The following PIP5K1B variants were observed in gnomAD, a reference collection of about 807,000 sequenced individuals.
PIP5K1B encodes phosphatidylinositol 4-phosphate 5-kinase type-1 beta.
PIP5K1B carries 42 observed loss-of-function variants against 67.0 expected under a neutral mutation model. That is an observed-to-expected ratio of 0.63 (90% CI 0.49 to 0.81). The LOEUF is 0.81. PIP5K1B is among the 30% of genes least tolerant of loss of function. PIP5K1B has a pLI of 0.00. For missense variants in PIP5K1B, 459 were observed against 646.3 expected, an observed-to-expected ratio of 0.71 and a Z score of 3.14; for synonymous variants, 214 against 231.4, an observed-to-expected ratio of 0.92 and a Z score of 0.68.
rs1043954404 is a variant in PIP5K1B, at chr9:68,897,482, G to A, written c.771+2844G>A. Among the ~76,000 whole-genome samples the A allele has an allele frequency of 3.3e-5, 5 of 152,312 alleles. No homozygotes were observed. In the South Asian group the frequency reaches 6.2e-4, roughly 19 times the overall value. ...AAGCTTTCTCCGGATAGGCAAAGCA[G>A]TAGAAGCATATTTCTAGGATAAGAG... On this transcript the variant is annotated intron_variant, in intron 8 of 15. Coordinates refer to ENST00000265382, the MANE Select transcript of PIP5K1B (RefSeq NM_003558.4).
intron 13 of PIP5K1B, among the ~76,000 whole-genome samples, chr9:68,939,222 G>T (rs552419381): frequency 1.3e-5 from 2 of 152,332 alleles, no homozygotes; most frequent in South Asian, 4.1e-4. Flanking sequence ...GCTCCTCATG[G>T]GTTGAGGGGT....
At chr9:68,944,743 C>G (rs141616061) in intron 14 of PIP5K1B, among the ~76,000 whole-genome samples, 2 of 152,116 alleles carry the variant, frequency 1.3e-5, no homozygotes, top group Non-Finnish European at 2.9e-5. Context: ...TGTCATAAAC[C>G]TAGAACAGGG....
At chr9:68,768,725 T>C (rs142768075) in intron 2 of PIP5K1B, among the ~76,000 whole-genome samples, 1 of 152,356 alleles carries the variant, frequency 6.6e-6, no homozygotes, top group African/African-American at 2.4e-5. Context: ...TTGGGCAATG[T>C]ATGGCATCCT....
At chr9:68,913,034 G>C (rs1825926762) in intron 8 of PIP5K1B, among the ~76,000 whole-genome samples, 1 of 152,220 alleles carries the variant, frequency 6.6e-6, no homozygotes, top group Non-Finnish European at 1.5e-5. Context: ...TCTAGCAGCT[G>C]CTTTGACATT....
chr9:68,953,486 T>C (rs376490781), intron 14 of PIP5K1B, among the ~76,000 whole-genome samples: 1 of 152,156 alleles, frequency 6.6e-6, no homozygotes, highest in African/African-American at 2.4e-5. Context: ...AAATCTTCAT[T>C]TGTCTGCTCA....
chr9:68,767,185 T>TGAGCTTAGTACCAAAAC (rs1320979981), intron 2 of PIP5K1B, among the ~76,000 whole-genome samples: 1 of 152,226 alleles, frequency 6.6e-6, no homozygotes, highest in Non-Finnish European at 1.5e-5. Context: ...GATACCAAAA[T>TGAGCTTAGTACCAAAAC]GATCTTAGTA....
At chr9:68,982,366 G>A (rs1467807817) in intron 14 of PIP5K1B, among the ~76,000 whole-genome samples, 1 of 152,162 alleles carries the variant, frequency 6.6e-6, no homozygotes, top group African/African-American at 2.4e-5. Flanking sequence ...AAAATATCAG[G>A]ACAAAAGCAA....
chr9:68,845,595 G>T (rs1321006348), intron 4 of PIP5K1B, among the ~76,000 whole-genome samples: 1 of 152,202 alleles, frequency 6.6e-6, no homozygotes, highest in Non-Finnish European at 1.5e-5. Flanking sequence ...AGTGAGTTTG[G>T]AGCGTGGGAG....
chr9:68,894,640 T>C lies in PIP5K1B; in HGVS notation c.771+2T>C. The C allele has an allele frequency of 1.2e-6, 2 of 1,612,572 alleles. No homozygotes were observed. Among genetic ancestry groups the C allele is most frequent in the Non-Finnish European group, 1.7e-6 (2 of 1,178,854 alleles). ...AAAACACTTCAGAGAGACTGCCGGG[T>C]AAGGAAGTTTGATTGTTGTGATTTC... On this transcript the variant is annotated splice_donor_variant, in intron 8 of 15. Transcript: ENST00000265382. LOFTEE classifies it high-confidence loss of function.
At chr9:68,752,776 CA>C (rs1829698673) in intron 2 of PIP5K1B, among the ~76,000 whole-genome samples, 1 of 152,062 alleles carries the variant, frequency 6.6e-6, no homozygotes, top group South Asian at 2.1e-4. Context: ...GGTTAATTTA[CA>C]AAAACTCTTT....
intron 15 of PIP5K1B, among the ~76,000 whole-genome samples, chr9:68,994,491 G>T (rs1311544129): frequency 2.6e-5 from 4 of 151,964 alleles, no homozygotes; most frequent in Non-Finnish European, 5.9e-5. Context: ...CTAATGTCTG[G>T]CTTAATGGAA....
At chr9:68,764,122 G>T (rs1177688584) in intron 2 of PIP5K1B, among the ~76,000 whole-genome samples, 1 of 108,002 alleles carries the variant, frequency 9.3e-6, no homozygotes, top group Non-Finnish European at 1.8e-5. Context: ...CTTTGTTTCA[G>T]CATGCTTTCA....
intron 1 of PIP5K1B, among the ~76,000 whole-genome samples, chr9:68,741,886 T>C (rs989003695): frequency 9.9e-5 from 15 of 152,162 alleles, no homozygotes; most frequent in Admixed American, 9.8e-4. Flanking sequence ...GTGGTAGTTG[T>C]TGGGGGTGGG....
At chr9:68,775,184 T>C (rs949144200) in intron 2 of PIP5K1B, among the ~76,000 whole-genome samples, 3 of 152,216 alleles carry the variant, frequency 2.0e-5, no homozygotes, top group Non-Finnish European at 4.4e-5. Flanking sequence ...TAATGCCCTT[T>C]CCATCTTCAC....
intron 14 of PIP5K1B, among the ~76,000 whole-genome samples, chr9:68,951,383 G>T (rs900884718): frequency 1.3e-5 from 2 of 152,164 alleles, no homozygotes; most frequent in African/African-American, 2.4e-5. Flanking sequence ...GAATGGTTCA[G>T]ACTAAGCACT....
chr9:68,755,248 A>T (rs919664985), intron 2 of PIP5K1B, among the ~76,000 whole-genome samples: 4 of 152,190 alleles, frequency 2.6e-5, no homozygotes, highest in African/African-American at 9.7e-5. Context: ...GACTTTGGAG[A>T]CTGCTTTCCC....
At chr9:68,805,852 T>A (rs915119236) in intron 2 of PIP5K1B, among the ~76,000 whole-genome samples, 1 of 152,172 alleles carries the variant, frequency 6.6e-6, no homozygotes, top group African/African-American at 2.4e-5. Context: ...CTGAATGGAT[T>A]GTGAAGATAC....
chr9:68,779,965 T>G, intron 2 of PIP5K1B: 1 of 616,738 alleles, frequency 1.6e-6, no homozygotes, highest in South Asian at 3.8e-5. Flanking sequence ...CCCCTACCAC[T>G]GCCGCGCACA....
Position 68,875,867 on chromosome 9 carries a change from T to A in PIP5K1B, c.201-810T>A, listed in dbSNP as rs985310392. On this transcript the variant is annotated intron_variant, in intron 5 of 15. Coordinates refer to ENST00000265382, the MANE Select transcript of PIP5K1B (RefSeq NM_003558.4). Reference sequence around the variant, plus strand: ...TGAGCTCATGTATTAGGTAATATTGTATGGAGTCAAAGAATAAAAAGGATG... The same window carrying A: ...TGAGCTCATGTATTAGGTAATATTGAATGGAGTCAAAGAATAAAAAGGATG... 8.5e-5 allele frequency among the ~76,000 whole-genome samples: 13 copies of A among 152,288 alleles called. 1 individual carries two copies. The highest frequency in any genetic ancestry group is 2.9e-4 in the African/African-American group (12 of 41,548).
Sources: gnomAD v4.1 joint callset for allele counts (sites outside exome capture counted in the v4.1 genomes callset) on GRCh38, gnomAD v4.1.1 for gene constraint, MANE v1.5 for transcripts, NCBI Gene and HGNC (gene_info 2026-07-23, HGNC 2026-07-21) for gene names.